Variants in PTPRD observed in about 807,000 individuals in gnomAD.
PTPRD encodes the protein receptor-type tyrosine-protein phosphatase delta.
A neutral mutation model predicts 214.5 loss-of-function variants in PTPRD; 34 were observed. The ratio of observed to expected loss-of-function variants is 0.16; its 90% CI spans 0.12 to 0.21. The LOEUF (loss-of-function observed/expected upper bound fraction) is 0.21, where lower values mean the gene tolerates loss of function less well. Among genes scored for constraint, PTPRD ranks in the 10% least tolerant of loss-of-function variants. The probability of loss-of-function intolerance (pLI) is 1.00; values close to 1 mark genes in which losing one functional copy is unlikely to be tolerated. For missense variants in PTPRD, 2,545 were observed against 2,398.7 expected (o/e 1.06, Z -1.27); for synonymous variants, 1,128 against 845.7 (o/e 1.33, Z -5.79).
intron 9 of PTPRD, among the ~76,000 whole-genome samples, chr9:9,391,929 T>C (rs1586913052): frequency 6.6e-6 from 1 of 152,156 alleles, no homozygotes; most frequent in Non-Finnish European, 1.5e-5. Flanking sequence ...TGAGTGGTAA[T>C]CATATTGAGT....
intron 3 of PTPRD, among the ~76,000 whole-genome samples, chr9:10,214,028 T>A (rs1254563287): frequency 1.3e-5 from 2 of 152,070 alleles, no homozygotes; most frequent in African/African-American, 2.4e-5. Context: ...TGTAAAGGCA[T>A]ATCTTCATCA....
At chr9:10,556,399 GT>G (rs375185234) in intron 2 of PTPRD, among the ~76,000 whole-genome samples, 2 of 151,882 alleles carry the variant, frequency 1.3e-5, no homozygotes, top group African/African-American at 4.8e-5. Context: ...TGAAAACAGT[GT>G]TTTTCCATGA....
intron 11 of PTPRD, among the ~76,000 whole-genome samples, chr9:8,970,218 T>C (rs1255351284): frequency 2.6e-5 from 4 of 151,978 alleles, no homozygotes; most frequent in African/African-American, 7.2e-5. Flanking sequence ...GCTAGTGCTA[T>C]GGGCTTATCA....
intron 12 of PTPRD, among the ~76,000 whole-genome samples, chr9:8,703,069 T>A (rs1168558422): frequency 6.6e-6 from 1 of 152,110 alleles, no homozygotes; most frequent in East Asian, 1.9e-4. Context: ...CATAAAAGGG[T>A]TCCATCAAAT....
At chr9:10,509,338 A>G (rs1459023556) in intron 2 of PTPRD, among the ~76,000 whole-genome samples, 1 of 151,518 alleles carries the variant, frequency 6.6e-6, no homozygotes, top group East Asian at 2.0e-4. Flanking sequence ...TAATACTCAT[A>G]TTTGATTCAT....
intron 14 of PTPRD, among the ~76,000 whole-genome samples, chr9:8,573,617 A>G (rs981013050): frequency 6.6e-6 from 1 of 151,962 alleles, no homozygotes; most frequent in African/African-American, 2.4e-5. Context: ...ACTATTAAGC[A>G]TATCTCTAAT....
intron 9 of PTPRD, among the ~76,000 whole-genome samples, chr9:9,288,614 C>T (rs1950228966): frequency 6.6e-6 from 1 of 151,854 alleles, no homozygotes; most frequent in Non-Finnish European, 1.5e-5. Context: ...ATCTGTATTA[C>T]AAAAAGCTAT....
At chr9:10,171,586 G>A (rs143543793) in intron 3 of PTPRD, among the ~76,000 whole-genome samples, 5,077 of 151,904 alleles carry the variant, frequency 0.033, 285 homozygotes, top group African/African-American at 0.12. Context: ...GTGCAGCGGC[G>A]CAATCTCGGC....
chr9:9,899,308 C>G (rs945822220), intron 5 of PTPRD, among the ~76,000 whole-genome samples: 3 of 151,902 alleles, frequency 2.0e-5, no homozygotes, highest in African/African-American at 7.2e-5. Context: ...AACCGTGCAT[C>G]TAATAAGGGA....
intron 6 of PTPRD, among the ~76,000 whole-genome samples, chr9:9,740,750 A>G (rs2154450013): frequency 6.6e-6 from 1 of 152,324 alleles, no homozygotes; most frequent in South Asian, 2.1e-4. Context: ...TCAATACAAT[A>G]ACAAATAATT....
intron 39 of PTPRD, among the ~76,000 whole-genome samples, chr9:8,365,757 C>G (rs1220102280): frequency 6.6e-6 from 1 of 152,082 alleles, no homozygotes; most frequent in East Asian, 1.9e-4. Flanking sequence ...CTCAAAAGGC[C>G]TTGTAGCTTC....
intron 12 of PTPRD, among the ~76,000 whole-genome samples, chr9:8,724,954 A>T (rs945582999): frequency 1.3e-5 from 2 of 152,136 alleles, no homozygotes; most frequent in African/African-American, 4.8e-5. Flanking sequence ...AAATAATAAT[A>T]ATAGCTAAAA....
intron 2 of PTPRD, among the ~76,000 whole-genome samples, chr9:10,583,800 T>C (rs1054273685): frequency 6.6e-6 from 1 of 152,060 alleles, no homozygotes; most frequent in African/African-American, 2.4e-5. Flanking sequence ...TATAGTTCAG[T>C]GGTATTGATA....
chr9:8,433,034 G>A (rs145354904), intron 35 of PTPRD, among the ~76,000 whole-genome samples: 99 of 152,306 alleles, frequency 6.5e-4, no homozygotes, highest in African/African-American at 2.3e-3. Flanking sequence ...TTTAAAAGAG[G>A]CCAGTTATTG....
chr9:10,489,309 C>T lies in PTPRD; in HGVS notation c.-600+123089G>A, dbSNP rs571637789. On this transcript the variant is annotated intron_variant, in intron 2 of 45. Coordinates refer to ENST00000381196, the MANE Select transcript of PTPRD (RefSeq NM_002839.4). ...TTACCCTGACTGGCACCTTATCCTA[C>T]TGCGGCTGAGCTGGTATCCAAGATG... Among the ~76,000 whole-genome samples, 5 of 152,286 alleles carry T rather than the reference C, an allele frequency of 3.3e-5. No homozygotes were observed. The South Asian group carries it at 1.0e-3, about 32-fold the overall frequency.
chr9:8,996,620 C>T (rs2099397806), intron 11 of PTPRD, among the ~76,000 whole-genome samples: 2 of 151,964 alleles, frequency 1.3e-5, no homozygotes, highest in South Asian at 4.1e-4. Flanking sequence ...ACCAAGGCAC[C>T]AGCAGATTCA....
chr9:8,460,996 T>C (rs1464566597), intron 32 of PTPRD, among the ~76,000 whole-genome samples: 1 of 152,060 alleles, frequency 6.6e-6, no homozygotes, highest in Non-Finnish European at 1.5e-5. Context: ...CAAGCCATTA[T>C]CATACAGTTA....
chr9:8,520,101 GA>G (rs1283768582), intron 20 of PTPRD, among the ~76,000 whole-genome samples: 1 of 152,114 alleles, frequency 6.6e-6, no homozygotes, highest in Non-Finnish European at 1.5e-5. Flanking sequence ...ATGTCTTTCT[GA>G]ACTTTCAAAG....
At chr9:9,575,170 C>T (rs1218311747) in intron 7 of PTPRD, among the ~76,000 whole-genome samples, 2 of 152,142 alleles carry the variant, frequency 1.3e-5, no homozygotes, top group African/African-American at 4.8e-5. Flanking sequence ...CAAACATGTA[C>T]ACACACAGCT....
Sources: gnomAD v4.1 joint callset for allele counts (sites outside exome capture counted in the v4.1 genomes callset) on GRCh38, gnomAD v4.1.1 for gene constraint, MANE v1.5 for transcripts, NCBI Gene and HGNC (gene_info 2026-07-23, HGNC 2026-07-21) for gene names.